Variants in C10orf90 observed in about 807,000 individuals in gnomAD.
C10orf90 encodes (E2-independent) E3 ubiquitin-conjugating enzyme FATS.
In C10orf90, 56 loss-of-function variants were observed where a neutral mutation model predicts 62.5. The ratio of observed to expected loss-of-function variants is 0.90; its 90% CI spans 0.72 to 1.12. The LOEUF (loss-of-function observed/expected upper bound fraction) is 1.12. C10orf90 is among the 50% of genes most tolerant of loss of function. C10orf90 has a pLI of 0.00. For synonymous variants in C10orf90, 386 were observed against 340.4 expected, an observed-to-expected ratio of 1.13 and a Z score of -1.47; for missense variants, 970 against 880.4, an observed-to-expected ratio of 1.10 and a Z score of -1.29.
At position 126,452,779 on chromosome 10, in the gene C10orf90, C is replaced by G. The variant is rs1366657036; in HGVS notation, c.2188+6261G>C. Among the ~76,000 whole-genome samples, 5 of 152,274 alleles carry G rather than the reference C, an allele frequency of 3.3e-5. No individual in the cohort carries two copies. In the East Asian group the frequency reaches 7.7e-4, roughly 23 times the overall value. On this transcript the variant is annotated intron_variant, in intron 7 of 9. Coordinates refer to ENST00000488181, the MANE Select transcript of C10orf90 (RefSeq NM_001350921.2). ...GAATGTCTTTGAATTGGGGAAACAG[C>G]CTTTTCAGTAATTCATGCTTCCTGT...
chr10:126,573,474 C>G (rs1201905128), intron 2 of C10orf90, among the ~76,000 whole-genome samples: 1 of 152,088 alleles, frequency 6.6e-6, no homozygotes, highest in Non-Finnish European at 1.5e-5. Flanking sequence ...GAAGGGTTGT[C>G]TCCTCCTTTA....
chr10:126,459,335 C>T (rs561857775), intron 6 of C10orf90, 118 bp from the exon 7 acceptor site: 48 of 1,162,080 alleles, frequency 4.1e-5, no homozygotes, highest in Non-Finnish European at 5.4e-5. Context: ...CCAAAAGCCA[C>T]GGTGCAAAAG....
chr10:126,614,323 G>A (rs1845497482), intron 2 of C10orf90, among the ~76,000 whole-genome samples: 3 of 152,088 alleles, frequency 2.0e-5, no homozygotes, highest in African/African-American at 7.2e-5. Context: ...GAATCACAAT[G>A]TCTAGTCACC....
intron 2 of C10orf90, among the ~76,000 whole-genome samples, chr10:126,595,394 T>G (rs575135949): frequency 1.5e-3 from 231 of 152,308 alleles, no homozygotes; most frequent in Non-Finnish European, 2.5e-3. Context: ...CCTGACAAAC[T>G]CATCTTTTAT....
intron 2 of C10orf90, among the ~76,000 whole-genome samples, chr10:126,564,097 C>G (rs555868672): frequency 6.6e-6 from 1 of 152,136 alleles, no homozygotes; most frequent in Non-Finnish European, 1.5e-5. Context: ...GGCTCCCACT[C>G]GCTATCTGTC....
intron 2 of C10orf90, among the ~76,000 whole-genome samples, chr10:126,555,096 A>G (rs1864730465): frequency 6.6e-6 from 1 of 152,178 alleles, no homozygotes. Flanking sequence ...GCACATTATC[A>G]GTAGGACTCC....
chr10:126,638,680 G>A (rs946483213), intron 2 of C10orf90, among the ~76,000 whole-genome samples: 2 of 152,094 alleles, frequency 1.3e-5, no homozygotes, highest in East Asian at 1.9e-4. Flanking sequence ...CTCCCATGCT[G>A]CTCCCTCAGA....
chr10:126,469,326 G>T (rs185939729), intron 4 of C10orf90, among the ~76,000 whole-genome samples: 61 of 152,330 alleles, frequency 4.0e-4, no homozygotes, highest in Admixed American at 7.8e-4. Flanking sequence ...GGAAGGGAAA[G>T]ATTGTCTCTG....
At chr10:126,492,374 G>C (rs929894732) in intron 4 of C10orf90, among the ~76,000 whole-genome samples, 3 of 152,158 alleles carry the variant, frequency 2.0e-5, no homozygotes, top group Non-Finnish European at 4.4e-5. Context: ...TAGCACCCAG[G>C]TCAAGAAACT....
intron 2 of C10orf90, among the ~76,000 whole-genome samples, chr10:126,645,429 CAAACA>C (rs1256518699): frequency 6.8e-6 from 1 of 146,528 alleles, no homozygotes; most frequent in Non-Finnish European, 1.5e-5. Flanking sequence ...AACAAACAAA[CAAACA>C]AAACAACTAG....
intron 2 of C10orf90, among the ~76,000 whole-genome samples, chr10:126,638,907 G>A (rs1455703596): frequency 6.6e-6 from 1 of 152,242 alleles, no homozygotes; most frequent in African/African-American, 2.4e-5. Flanking sequence ...GGTATCATGT[G>A]TGGGCATTTC....
intron 1 of C10orf90, among the ~76,000 whole-genome samples, chr10:126,669,009 T>C (rs1591188226): frequency 1.3e-5 from 2 of 152,216 alleles, no homozygotes; most frequent in Non-Finnish European, 2.9e-5. Flanking sequence ...CTATGAACAA[T>C]GCATAATAAT....
intron 2 of C10orf90, among the ~76,000 whole-genome samples, chr10:126,549,095 G>A (rs1286499840): frequency 2.0e-5 from 3 of 152,130 alleles, no homozygotes; most frequent in South Asian, 2.1e-4. Flanking sequence ...GGAATCTAAG[G>A]CTAGGCAAAG....
At chr10:126,433,986 C>T (rs1478402784) in intron 7 of C10orf90, among the ~76,000 whole-genome samples, 3 of 152,068 alleles carry the variant, frequency 2.0e-5, no homozygotes, top group Non-Finnish European at 4.4e-5. Context: ...GGTAAATTGC[C>T]TATTTCTATA....
Position 126,543,663 on chromosome 10 carries a change from T to G in C10orf90, c.314-29724A>C, listed in dbSNP as rs76924860. On this transcript the variant is annotated intron_variant, in intron 2 of 9. Coordinates refer to ENST00000488181, the MANE Select transcript of C10orf90 (RefSeq NM_001350921.2). Reference sequence around the variant, plus strand: ...ACAGCTAATATGCTTTTGCCTCTGATGGTCACATTCCATTTCTCCATGCCT... The same window carrying G: ...ACAGCTAATATGCTTTTGCCTCTGAGGGTCACATTCCATTTCTCCATGCCT... 8.5e-5 allele frequency among the ~76,000 whole-genome samples: 13 copies of G among 152,358 alleles called. No individual in the cohort carries two copies. The East Asian group carries it at 2.3e-3, about 27-fold the overall frequency.
intron 4 of C10orf90, among the ~76,000 whole-genome samples, chr10:126,483,404 A>G (rs1425740065): frequency 6.6e-6 from 1 of 152,208 alleles, no homozygotes; most frequent in Non-Finnish European, 1.5e-5. Context: ...ATCCAATTAT[A>G]TCATGTGAAA....
At chr10:126,608,674 G>T (rs1845367848) in intron 2 of C10orf90, among the ~76,000 whole-genome samples, 1 of 152,124 alleles carries the variant, frequency 6.6e-6, no homozygotes, top group Non-Finnish European at 1.5e-5. Flanking sequence ...TGCAGAAGCA[G>T]ATATGAAATC....
intron 4 of C10orf90, among the ~76,000 whole-genome samples, chr10:126,471,584 G>A (rs1166917246): frequency 6.6e-6 from 1 of 152,150 alleles, no homozygotes; most frequent in Admixed American, 6.5e-5. Flanking sequence ...CAAATTCAGT[G>A]ATCAGAAGCA....
Position 126,445,339 on chromosome 10 carries a change from C to A in C10orf90, c.2188+13701G>T, listed in dbSNP as rs1307283348. Among the ~76,000 whole-genome samples the A allele has an allele frequency of 2.0e-5, 3 of 152,084 alleles. No individual in the cohort carries two copies. The East Asian group carries it at 5.8e-4, about 29-fold the overall frequency. On this transcript the variant is annotated intron_variant, in intron 7 of 9. Transcript: ENST00000488181. ...GCAAGTAAAAAACAAACAATCCCAT[C>A]AAAAAGTGGGCTAAAGACATGATAG...
Sources: gnomAD v4.1 joint callset for allele counts (sites outside exome capture counted in the v4.1 genomes callset) on GRCh38, gnomAD v4.1.1 for gene constraint, MANE v1.5 for transcripts, NCBI Gene and HGNC (gene_info 2026-07-23, HGNC 2026-07-21) for gene names.